Variants in KHDRBS3 observed in about 807,000 individuals in gnomAD.
KHDRBS3 encodes the protein KH domain-containing, RNA-binding, signal transduction-associated protein 3.
In KHDRBS3, 23 loss-of-function variants were observed where a neutral mutation model predicts 45.6. The observed-to-expected ratio is 0.50, with a 90% CI of 0.36 to 0.72. The LOEUF is 0.72. Among genes scored for constraint, KHDRBS3 ranks in the 30% least tolerant of loss-of-function variants. The pLI is 0.00. For synonymous variants in KHDRBS3, 162 were observed against 156.5 expected (o/e 1.04, Z -0.26); for missense variants, 352 against 424.8 (o/e 0.83, Z 1.51).
chr8:135,577,064 CT>C (rs1441211492), intron 5 of KHDRBS3, among the ~76,000 whole-genome samples: 1 of 151,864 alleles, frequency 6.6e-6, no homozygotes, highest in Non-Finnish European at 1.5e-5. Context: ...ACACTTCTTC[CT>C]GTAGAAAGTA....
At chr8:135,607,969 A>G (rs543305523) in intron 7 of KHDRBS3, among the ~76,000 whole-genome samples, 2 of 152,294 alleles carry the variant, frequency 1.3e-5, no homozygotes, top group African/African-American at 4.8e-5. Context: ...GTAGCCTTCA[A>G]ACTTTGACTC....
At chr8:135,603,917 G>A (rs1829330939) in intron 6 of KHDRBS3, among the ~76,000 whole-genome samples, 1 of 147,956 alleles carries the variant, frequency 6.8e-6, no homozygotes, top group Non-Finnish European at 1.5e-5. Flanking sequence ...TCGATTAGGT[G>A]TAATTGATTT....
chr8:135,629,399 A>C (rs1453702077), intron 7 of KHDRBS3, among the ~76,000 whole-genome samples: 1 of 152,242 alleles, frequency 6.6e-6, no homozygotes, highest in Non-Finnish European at 1.5e-5. Context: ...CTTATTGAGC[A>C]GAAAGTATAA....
At chr8:135,592,500 A>T (rs1017262913) in intron 6 of KHDRBS3, among the ~76,000 whole-genome samples, 1 of 152,212 alleles carries the variant, frequency 6.6e-6, no homozygotes, top group Admixed American at 6.5e-5. Flanking sequence ...TTCCTTTGTT[A>T]TAATGGACTA....
At chr8:135,649,286 A>G (rs1831381802), downstream of KHDRBS3, among the ~76,000 whole-genome samples, 1 of 152,144 alleles carries the variant, frequency 6.6e-6, no homozygotes, top group Non-Finnish European at 1.5e-5. Flanking sequence ...GCCACTTAGC[A>G]GTGTGACTTT....
chr8:135,468,243 CT>C (rs2130164948), intron 1 of KHDRBS3, among the ~76,000 whole-genome samples: 1 of 152,214 alleles, frequency 6.6e-6, no homozygotes, highest in African/African-American at 2.4e-5. Flanking sequence ...TTTTTTTAAT[CT>C]CTGTAACAGC....
intron 1 of KHDRBS3, among the ~76,000 whole-genome samples, chr8:135,481,994 G>C (rs1458359616): frequency 6.6e-6 from 1 of 152,078 alleles, no homozygotes; most frequent in Non-Finnish European, 1.5e-5. Context: ...CTGGTGTTTG[G>C]TTGCCTTTCA....
At chr8:135,555,373 A>T (rs1017138307) in intron 4 of KHDRBS3, among the ~76,000 whole-genome samples, 2 of 141,020 alleles carry the variant, frequency 1.4e-5, no homozygotes, top group African/African-American at 5.2e-5. Context: ...AAACATTGAG[A>T]TTTTTTTTTT....
intron 5 of KHDRBS3, among the ~76,000 whole-genome samples, chr8:135,576,514 T>C (rs559944810): frequency 7.0e-4 from 106 of 152,222 alleles, no homozygotes; most frequent in Non-Finnish European, 1.2e-3. Flanking sequence ...CTTTGGCCAT[T>C]GGGAGTTCTT....
intron 7 of KHDRBS3, among the ~76,000 whole-genome samples, chr8:135,640,191 A>G (rs1398342153): frequency 6.6e-6 from 1 of 152,146 alleles, no homozygotes; most frequent in Admixed American, 6.5e-5. Flanking sequence ...TAGGTGTGCT[A>G]AAGACAAAGA....
chr8:135,631,505 A>G (rs1300989571), intron 7 of KHDRBS3, among the ~76,000 whole-genome samples: 2 of 152,076 alleles, frequency 1.3e-5, no homozygotes, highest in African/African-American at 4.8e-5. Flanking sequence ...AGACAGACAC[A>G]CACTACATAG....
chr8:135,521,271 T>C lies in KHDRBS3; in HGVS notation c.123T>C (p.Asp41=), dbSNP rs1824892708. The C allele has an allele frequency of 1.2e-6, 2 of 1,613,126 alleles. No homozygotes were observed. The highest frequency in any genetic ancestry group is 2.7e-5 in the African/African-American group (2 of 74,880). Residue 41 remains aspartate (D), a synonymous_variant, in exon 2 of 9, where the codon GAT becomes GAC. Coordinates refer to ENST00000355849, the MANE Select transcript of KHDRBS3 (RefSeq NM_006558.3). The part of the protein sequence containing the change: ...IEKFQKGEGK[D]EEKYIDVVIN... ...AGTTTCAAAAAGGAGAAGGCAAGGA[T>C]GAAGAAAAGTACATCGATGTGGTGA...
At chr8:135,518,605 A>G (rs767115581) in intron 1 of KHDRBS3, among the ~76,000 whole-genome samples, 1 of 152,226 alleles carries the variant, frequency 6.6e-6, no homozygotes, top group African/African-American at 2.4e-5. Flanking sequence ...TGCCAAAGGT[A>G]TTTCTAATTA....
intron 1 of KHDRBS3, among the ~76,000 whole-genome samples, chr8:135,470,865 C>T (rs887635570): frequency 1.3e-5 from 2 of 152,106 alleles, no homozygotes; most frequent in Non-Finnish European, 2.9e-5. Flanking sequence ...GGATTACAGG[C>T]GTGAGCCACC....
In KHDRBS3 at chr8:135,585,059, CA is replaced by C. The variant is rs71298252; in HGVS notation, c.807+2998del. 3.7e-3 allele frequency among the ~76,000 whole-genome samples: 544 copies of C among 145,330 alleles called. 4 individuals carry two copies. Among genetic ancestry groups the C allele is most frequent in the Non-Finnish European group, 2.0e-3 (133 of 66,218 alleles). On this transcript the variant is annotated intron_variant, in intron 6 of 8. Transcript: ENST00000355849. ...CAACATGGTGAAACCTCATCTCTAC[CA>C]AAAAAAAAAAATACAAAAATTAGCC...
chr8:135,576,070 T>C (rs1024647567), intron 5 of KHDRBS3, among the ~76,000 whole-genome samples: 2 of 152,222 alleles, frequency 1.3e-5, no homozygotes, highest in Non-Finnish European at 2.9e-5. Context: ...TTTGTCAGAT[T>C]TGTTTTCATC....
At chr8:135,536,699 G>T (rs1005379888) in intron 2 of KHDRBS3, among the ~76,000 whole-genome samples, 1 of 151,928 alleles carries the variant, frequency 6.6e-6, no homozygotes, top group Non-Finnish European at 1.5e-5. Flanking sequence ...GGTGGCTCAC[G>T]CCTGTAATCC....
At chr8:135,569,687 G>A (rs987111616) in intron 5 of KHDRBS3, among the ~76,000 whole-genome samples, 8 of 152,140 alleles carry the variant, frequency 5.3e-5, no homozygotes, top group African/African-American at 9.6e-5. Flanking sequence ...GTCTCTGGGC[G>A]ACACTCCTCT....
At chr8:135,614,730 A>G (rs1327303022) in intron 7 of KHDRBS3, among the ~76,000 whole-genome samples, 4 of 151,816 alleles carry the variant, frequency 2.6e-5, no homozygotes, top group Non-Finnish European at 5.9e-5. Flanking sequence ...AAAAAAGAGT[A>G]GAGACAGGGG....
Sources: allele counts gnomAD v4.1 joint callset (sites outside exome capture counted in the v4.1 genomes callset), GRCh38; gene constraint gnomAD v4.1.1; transcripts MANE v1.5; gene names NCBI Gene and HGNC (gene_info 2026-07-23, HGNC 2026-07-21).